Variants in KANSL1 observed in about 807,000 individuals in gnomAD.
KANSL1 encodes the protein KAT8 regulatory NSL complex subunit 1.
A neutral mutation model predicts 103.6 loss-of-function variants in KANSL1; 22 were observed. The ratio of observed to expected loss-of-function variants is 0.21; its 90% CI spans 0.15 to 0.30. The LOEUF (loss-of-function observed/expected upper bound fraction) is 0.30, where lower values mean the gene tolerates loss of function less well. KANSL1 is among the 10% of genes least tolerant of loss of function. The pLI is 1.00. For synonymous variants in KANSL1, 600 were observed against 527.6 expected (o/e 1.14, Z -1.88); for missense variants, 1,337 against 1,399.8 (o/e 0.96, Z 0.72).
At chr17:46,064,232 A>G (rs1311332594) in intron 6 of KANSL1, among the ~76,000 whole-genome samples, 1 of 152,134 alleles carries the variant, frequency 6.6e-6, no homozygotes, top group Non-Finnish European at 1.5e-5. Context: ...CTTTAAAGAG[A>G]ACATGGCAAA....
At chr17:46,200,651 A>T (rs2047770062) in intron 1 of KANSL1, among the ~76,000 whole-genome samples, 1 of 152,220 alleles carries the variant, frequency 6.6e-6, no homozygotes, top group Admixed American at 6.5e-5. Context: ...CTGAGGCAGC[A>T]GAATGGCATG....
At chr17:46,063,317 C>T (rs1568405174) in intron 6 of KANSL1, among the ~76,000 whole-genome samples, 2 of 152,198 alleles carry the variant, frequency 1.3e-5, no homozygotes, top group Admixed American at 1.3e-4. Flanking sequence ...ACCAATGCAA[C>T]CTGGCTGCCC....
At chr17:46,218,020 T>C (rs896040685) in intron 1 of KANSL1, among the ~76,000 whole-genome samples, 1 of 152,184 alleles carries the variant, frequency 6.6e-6, no homozygotes, top group African/African-American at 2.4e-5. Flanking sequence ...AGCAAGACTC[T>C]GTCTAAAAAA....
chr17:46,058,688 TAA>T (rs2078015979), intron 6 of KANSL1, among the ~76,000 whole-genome samples: 1 of 149,324 alleles, frequency 6.7e-6, no homozygotes, highest in African/African-American at 2.5e-5. Flanking sequence ...ACACTCTCAC[TAA>T]TTGGAAAAGC....
At chr17:46,082,063 T>C (rs2079006028) in intron 4 of KANSL1, among the ~76,000 whole-genome samples, 1 of 152,196 alleles carries the variant, frequency 6.6e-6, no homozygotes. Flanking sequence ...CTTGTGAATT[T>C]AACCTCTAGT....
intron 2 of KANSL1, among the ~76,000 whole-genome samples, chr17:46,127,479 T>G (rs956954579): frequency 3.9e-5 from 6 of 152,200 alleles, no homozygotes; most frequent in Non-Finnish European, 8.8e-5. Flanking sequence ...AAGAAACAGT[T>G]TTAAACAGTT....
chr17:46,051,293 T>G (rs1382161687), intron 6 of KANSL1, among the ~76,000 whole-genome samples: 1 of 152,190 alleles, frequency 6.6e-6, no homozygotes, highest in Non-Finnish European at 1.5e-5. Context: ...TGGCCTAAAA[T>G]CCACTGTTAC....
chr17:46,213,152 C>G lies in KANSL1; in HGVS notation c.-90+10519G>C, dbSNP rs572578891. 5.9e-5 allele frequency among the ~76,000 whole-genome samples: 9 copies of G among 152,330 alleles called. 1 individual carries two copies. The highest frequency in any genetic ancestry group is 2.0e-4 in the Admixed American group (3 of 15,298). The stretch of plus-strand genomic sequence containing the variant: ...TAAAAAAAAGTGAGCTAGAACCATA[C>G]GCTTGCCTGTCTTCTGGGCTGCTGC... On this transcript the variant is annotated intron_variant, in intron 1 of 14. Coordinates refer to the KANSL1 transcript ENST00000572904.
intron 2 of KANSL1, among the ~76,000 whole-genome samples, chr17:46,155,288 G>C (rs1197976850): frequency 6.6e-6 from 1 of 151,162 alleles, no homozygotes. Context: ...TTCCCAAGTA[G>C]CTGGGACTAC....
intron 1 of KANSL1, among the ~76,000 whole-genome samples, chr17:46,204,610 G>C (rs1376739815): frequency 1.3e-5 from 2 of 152,196 alleles, no homozygotes; most frequent in African/African-American, 4.8e-5. Flanking sequence ...ATTCAATAAA[G>C]CCATTATTAC....
intron 2 of KANSL1, among the ~76,000 whole-genome samples, chr17:46,160,521 T>G (rs2045677122): frequency 6.6e-6 from 1 of 152,186 alleles, no homozygotes; most frequent in East Asian, 1.9e-4. Context: ...CTAGAACTCC[T>G]GGGCTCAAGA....
intron 1 of KANSL1, among the ~76,000 whole-genome samples, chr17:46,207,234 G>T (rs11654982): frequency 6.6e-6 from 1 of 151,986 alleles, no homozygotes; most frequent in Non-Finnish European, 1.5e-5. Context: ...TGATTGGGCC[G>T]GGTGCGGTGG....
chr17:46,179,226 A>G (rs2046668463), intron 1 of KANSL1, among the ~76,000 whole-genome samples: 1 of 152,256 alleles, frequency 6.6e-6, no homozygotes, highest in South Asian at 2.1e-4. Context: ...AAGATTATAC[A>G]CACACATATA....
chr17:46,171,246 T>G lies in KANSL1; in HGVS notation c.898A>C (p.Arg300=). ...RQADIESRAR[R]LQKRLQVVQA... ...ACAACCTGTAAGCGCTTTTGTAATC[T>G]GCGGGCACGGCTCTCAATGTCAGCC... is the stretch of plus-strand genomic sequence containing the variant. Residue 300 remains arginine (R), a synonymous_variant, in exon 2 of 15, where the codon AGA becomes CGA. Coordinates refer to ENST00000432791, the MANE Select transcript of KANSL1 (RefSeq NM_015443.4). The G allele has an allele frequency of 6.2e-7, 1 of 1,614,136 alleles. No homozygotes were observed. Among genetic ancestry groups the G allele is most frequent in the Non-Finnish European group, 8.5e-7 (1 of 1,180,038 alleles).
intron 2 of KANSL1, among the ~76,000 whole-genome samples, chr17:46,143,979 A>C (rs1386816121): frequency 2.6e-5 from 4 of 152,214 alleles, no homozygotes; most frequent in African/African-American, 4.8e-5. Context: ...CCCCAAACAA[A>C]GGGAGTATTT....
At chr17:46,139,101 G>T (rs1178152384) in intron 2 of KANSL1, among the ~76,000 whole-genome samples, 1 of 152,172 alleles carries the variant, frequency 6.6e-6, no homozygotes, top group Non-Finnish European at 1.5e-5. Flanking sequence ...TGGAAAACCA[G>T]AAGTCTTTCA....
intron 1 of KANSL1, among the ~76,000 whole-genome samples, chr17:46,182,545 G>A (rs1235589409): frequency 1.3e-5 from 2 of 152,206 alleles, no homozygotes; most frequent in African/African-American, 2.4e-5. Context: ...GGCCAACAGG[G>A]CTTCTTAACT....
At chr17:46,182,221 G>C (rs949234034) in intron 1 of KANSL1, among the ~76,000 whole-genome samples, 2 of 152,052 alleles carry the variant, frequency 1.3e-5, no homozygotes, top group African/African-American at 2.4e-5. Context: ...TTACTAAGAA[G>C]AGAAAAAGGA....
At chr17:46,155,006 C>T (rs1001350719) in intron 2 of KANSL1, among the ~76,000 whole-genome samples, 10 of 152,240 alleles carry the variant, frequency 6.6e-5, no homozygotes, top group Admixed American at 5.2e-4. Flanking sequence ...AGACACAATG[C>T]TTACTATACA....
Sources: allele counts gnomAD v4.1 joint callset (sites outside exome capture counted in the v4.1 genomes callset), GRCh38; gene constraint gnomAD v4.1.1; transcripts MANE v1.5; gene names NCBI Gene and HGNC (gene_info 2026-07-23, HGNC 2026-07-21).